The following PTPRR variants were observed in gnomAD, a reference collection of about 807,000 sequenced individuals.
The protein encoded by PTPRR is protein tyrosine phosphatase receptor type R, also known as receptor-type tyrosine-protein phosphatase R.
In PTPRR, 38 loss-of-function variants were observed where a neutral mutation model predicts 77.2. The observed-to-expected ratio is 0.49, with a 90% CI of 0.38 to 0.65. The LOEUF (loss-of-function observed/expected upper bound fraction) is 0.65, where lower values mean the gene tolerates loss of function less well. Among genes scored for constraint, PTPRR ranks in the 30% least tolerant of loss-of-function variants. PTPRR has a pLI of 0.00. For synonymous variants in PTPRR, 299 were observed against 283.1 expected, an observed-to-expected ratio of 1.06 and a Z score of -0.57; for missense variants, 744 against 799.2, an observed-to-expected ratio of 0.93 and a Z score of 0.83.
chr12:70,836,812 C>T (rs1034007833), intron 2 of PTPRR, among the ~76,000 whole-genome samples: 2 of 151,912 alleles, frequency 1.3e-5, no homozygotes, highest in Non-Finnish European at 2.9e-5. Flanking sequence ...CTGTTTTCCC[C>T]AGTTATATGC....
chr12:70,670,267 T>G (rs1434369563), intron 10 of PTPRR, among the ~76,000 whole-genome samples: 1 of 152,224 alleles, frequency 6.6e-6, no homozygotes, highest in Non-Finnish European at 1.5e-5. Context: ...GTCTTATTGC[T>G]CTTTGGGACC....
intron 10 of PTPRR, among the ~76,000 whole-genome samples, chr12:70,678,662 A>G (rs1008131866): frequency 1.3e-5 from 2 of 151,034 alleles, no homozygotes; most frequent in Admixed American, 6.6e-5. Context: ...TTTTGGGTTT[A>G]ATTTGTTCTT....
intron 2 of PTPRR, among the ~76,000 whole-genome samples, chr12:70,832,803 A>T (rs912920596): frequency 5.9e-5 from 9 of 152,124 alleles, no homozygotes; most frequent in African/African-American, 2.2e-4. Context: ...ACAAGCATGG[A>T]CCAGCATTGA....
intron 4 of PTPRR, among the ~76,000 whole-genome samples, chr12:70,760,601 C>T (rs1402735627): frequency 6.6e-6 from 1 of 152,130 alleles, no homozygotes; most frequent in African/African-American, 2.4e-5. Context: ...CAAGACCAGC[C>T]TGGGCAACAT....
intron 10 of PTPRR, among the ~76,000 whole-genome samples, chr12:70,678,764 C>T (rs1217320497): frequency 6.6e-6 from 1 of 152,152 alleles, no homozygotes; most frequent in African/African-American, 2.4e-5. Context: ...TCACTGCAAC[C>T]TCTGTCTCCT....
intron 2 of PTPRR, among the ~76,000 whole-genome samples, chr12:70,789,184 T>A (rs1479333704): frequency 6.6e-6 from 1 of 152,130 alleles, no homozygotes; most frequent in Non-Finnish European, 1.5e-5. Flanking sequence ...TTTATCTTCC[T>A]GACCAACATG....
At chr12:70,805,911 T>C (rs907754317) in intron 2 of PTPRR, among the ~76,000 whole-genome samples, 17 of 149,896 alleles carry the variant, frequency 1.1e-4, no homozygotes, top group African/African-American at 4.1e-4. Flanking sequence ...AAAAATTATG[T>C]ATATGTATTT....
At chr12:70,720,928 G>C (rs967057969) in intron 6 of PTPRR, among the ~76,000 whole-genome samples, 2 of 152,112 alleles carry the variant, frequency 1.3e-5, no homozygotes, top group African/African-American at 4.8e-5. Flanking sequence ...TTAAAGCTCA[G>C]ATTTGGTTCT....
At chr12:70,771,552 T>G (rs1890978099) in intron 2 of PTPRR, among the ~76,000 whole-genome samples, 1 of 152,154 alleles carries the variant, frequency 6.6e-6, no homozygotes, top group Admixed American at 6.6e-5. Context: ...AAAATAAAAG[T>G]TGATTTTTTA....
chr12:70,862,498 C>A (rs1432448097), intron 2 of PTPRR, among the ~76,000 whole-genome samples: 1 of 148,588 alleles, frequency 6.7e-6, no homozygotes, highest in Admixed American at 6.8e-5. Context: ...GAACAAAAAA[C>A]CAAACACCGC....
intron 12 of PTPRR, among the ~76,000 whole-genome samples, chr12:70,658,883 G>GGTT (rs1295017452): frequency 2.7e-3 from 99 of 36,946 alleles, no homozygotes; most frequent in African/African-American, 0.011. Flanking sequence ...TTTTGCTCTA[G>GGTT]TTTTTTTTTT....
At chr12:70,765,856 A>G (rs11178401) in intron 2 of PTPRR, among the ~76,000 whole-genome samples, 57,277 of 151,720 alleles carry the variant, frequency 0.38, 13,211 homozygotes, top group African/African-American at 0.65. Context: ...CGCAGTTCAC[A>G]AACATCTGGT....
chr12:70,791,176 A>C (rs1446010562), intron 2 of PTPRR, among the ~76,000 whole-genome samples: 2 of 152,210 alleles, frequency 1.3e-5, no homozygotes, highest in African/African-American at 4.8e-5. Flanking sequence ...CATTCAGAAT[A>C]AAATTAGAAT....
intron 10 of PTPRR, among the ~76,000 whole-genome samples, chr12:70,663,536 T>C (rs1048111739): frequency 1.3e-5 from 2 of 152,202 alleles, no homozygotes; most frequent in African/African-American, 2.4e-5. Flanking sequence ...TGATTAGATC[T>C]TCATGCATTA....
intron 4 of PTPRR, among the ~76,000 whole-genome samples, chr12:70,759,069 GGACCACA>G (rs1378812310): frequency 1.3e-5 from 2 of 151,902 alleles, no homozygotes; most frequent in South Asian, 4.2e-4. Flanking sequence ...CAAGTAGCTG[GGACCACA>G]GTTACACACC....
At chr12:70,849,479 A>G (rs1892538774) in intron 2 of PTPRR, among the ~76,000 whole-genome samples, 1 of 152,218 alleles carries the variant, frequency 6.6e-6, no homozygotes, top group Admixed American at 6.6e-5. Context: ...TTTCAACTCA[A>G]CTACCAGTTT....
chr12:70,746,855 A>G (rs538012664), intron 5 of PTPRR, among the ~76,000 whole-genome samples: 19 of 152,054 alleles, frequency 1.2e-4, no homozygotes, highest in African/African-American at 4.6e-4. Context: ...CTCCTAAGAA[A>G]AGAAAGACAT....
intron 5 of PTPRR, among the ~76,000 whole-genome samples, chr12:70,751,447 G>T (rs1455925711): frequency 6.6e-6 from 1 of 152,104 alleles, no homozygotes; most frequent in Non-Finnish European, 1.5e-5. Context: ...TCTACCAGAA[G>T]AAAATGTGAT....
intron 2 of PTPRR, among the ~76,000 whole-genome samples, chr12:70,775,712 G>C (rs1891073074): frequency 6.6e-6 from 1 of 152,052 alleles, no homozygotes; most frequent in Admixed American, 6.6e-5. Context: ...GCCACAAAAG[G>C]ACCAAAGCTT....
Sources: allele counts gnomAD v4.1 joint callset (sites outside exome capture counted in the v4.1 genomes callset), GRCh38; gene constraint gnomAD v4.1.1; transcripts MANE v1.5; gene names NCBI Gene and HGNC (gene_info 2026-07-23, HGNC 2026-07-21).